The following CCDC3 variants were observed in gnomAD, a reference collection of about 807,000 sequenced individuals.
The protein encoded by CCDC3 is coiled-coil domain-containing protein 3.
Under a neutral mutation model 21.4 loss-of-function variants are expected in CCDC3, and 24 were observed. The observed-to-expected ratio is 1.12, with a 90% CI of 0.81 to 1.58. The LOEUF (loss-of-function observed/expected upper bound fraction) is 1.58. Ranked by LOEUF, CCDC3 falls within the 40% of genes most tolerant of loss-of-function variation. The pLI is 0.00. For synonymous variants in CCDC3, 186 were observed against 166.0 expected (o/e 1.12, Z -0.93); for missense variants, 425 against 360.9 (o/e 1.18, Z -1.44).
rs573817528 is a variant in CCDC3 at position 13,019,106 on chromosome 10, C to T, written c.-1-20594G>A. On this transcript the variant is annotated intron_variant, in intron 5 of 6. Transcript: ENST00000378839. ...AAAATTAGCCGGGCGTGGTGGCAGGCTCCTGTAGTCCCAGCTACTCGGGAG... is the reference window on the plus strand; with the variant it reads ...AAAATTAGCCGGGCGTGGTGGCAGGTTCCTGTAGTCCCAGCTACTCGGGAG... 4.1e-4 allele frequency among the ~76,000 whole-genome samples: 62 copies of T among 152,152 alleles called. 1 individual carries two copies. The highest frequency in any genetic ancestry group is 7.2e-4 in the Non-Finnish European group (49 of 67,992).
intron 2 of CCDC3, among the ~76,000 whole-genome samples, chr10:12,960,867 G>C (rs1835169837): frequency 6.6e-6 from 1 of 152,208 alleles, no homozygotes; most frequent in South Asian, 2.1e-4. Context: ...ATGTGGGGAA[G>C]TGTCCCGTAG....
At chr10:13,053,447 A>G (rs1284845093) in intron 4 of CCDC3, among the ~76,000 whole-genome samples, 1 of 152,016 alleles carries the variant, frequency 6.6e-6, no homozygotes, top group Non-Finnish European at 1.5e-5. Flanking sequence ...GCATGCACCT[A>G]TAGTCCCAGC....
At chr10:13,060,181 A>G (rs180975256) in intron 4 of CCDC3, among the ~76,000 whole-genome samples, 4 of 152,226 alleles carry the variant, frequency 2.6e-5, no homozygotes, top group Non-Finnish European at 5.9e-5. Flanking sequence ...AACAAATCTC[A>G]TAGTGAGAAA....
intron 2 of CCDC3, among the ~76,000 whole-genome samples, chr10:12,983,352 C>T (rs538942980): frequency 2.4e-3 from 362 of 151,136 alleles, no homozygotes; most frequent in Non-Finnish European, 4.0e-3. Flanking sequence ...GCGGGCAGAT[C>T]ACTTCAGGTC....
upstream of CCDC3, among the ~76,000 whole-genome samples, chr10:13,005,878 C>T (rs1835918402): frequency 6.6e-6 from 1 of 152,222 alleles, no homozygotes; most frequent in South Asian, 2.1e-4. Flanking sequence ...TATGTTCCCT[C>T]CTAAATACAA....
At chr10:13,002,915 A>G (rs1227347785), upstream of CCDC3, among the ~76,000 whole-genome samples, 1 of 152,224 alleles carries the variant, frequency 6.6e-6, no homozygotes, top group African/African-American at 2.4e-5. Context: ...TGATGGAGAA[A>G]GAGTGAGCCC....
intron 2 of CCDC3, among the ~76,000 whole-genome samples, chr10:12,943,225 A>C (rs1026967411): frequency 6.6e-6 from 1 of 152,218 alleles, no homozygotes; most frequent in African/African-American, 2.4e-5. Flanking sequence ...GTTTAATGAA[A>C]ATAGAGTGGT....
intron 2 of CCDC3, among the ~76,000 whole-genome samples, chr10:12,958,095 G>A (rs1835121526): frequency 6.6e-6 from 1 of 152,142 alleles, no homozygotes; most frequent in Admixed American, 6.5e-5. Flanking sequence ...CCAAAGTGCT[G>A]GGATTACAGG....
At chr10:13,080,082 G>C (rs1397545117) in intron 3 of CCDC3, among the ~76,000 whole-genome samples, 1 of 152,212 alleles carries the variant, frequency 6.6e-6, no homozygotes, top group Non-Finnish European at 1.5e-5. Flanking sequence ...ACTTGAACCT[G>C]GCATCTGCCG....
chr10:13,016,458 T>C (rs11258128), intron 5 of CCDC3, among the ~76,000 whole-genome samples: 36,090 of 151,820 alleles, frequency 0.24, 5,003 homozygotes, highest in East Asian at 0.5. Context: ...TATGATATCA[T>C]ATTTCCTACT....
At chr10:13,091,172 G>A (rs547079698) in intron 3 of CCDC3, among the ~76,000 whole-genome samples, 81 of 152,288 alleles carry the variant, frequency 5.3e-4, no homozygotes, top group African/African-American at 1.9e-3. Flanking sequence ...GGGTGGGCCT[G>A]CCTCTCCCAG....
intron 2 of CCDC3, among the ~76,000 whole-genome samples, chr10:12,920,949 C>CA (rs1230982319): frequency 3.9e-5 from 6 of 152,216 alleles, no homozygotes; most frequent in Admixed American, 6.5e-5. Context: ...CAGGGGCTCA[C>CA]AGAGGAGGGC....
At chr10:12,898,759 C>T in intron 2 of CCDC3, 80 bp from the exon 3 acceptor site, 1 of 1,519,600 alleles carries the variant, frequency 6.6e-7, no homozygotes, top group Non-Finnish European at 8.9e-7. Flanking sequence ...CAGAAGCTTC[C>T]CCGAGTGCTG....
intron 2 of CCDC3, among the ~76,000 whole-genome samples, chr10:12,954,697 T>C (rs932713124): frequency 2.0e-5 from 3 of 152,282 alleles, no homozygotes; most frequent in Middle Eastern, 6.8e-3. Context: ...ACCAAGCCAT[T>C]GACAAGGGAT....
intron 2 of CCDC3, among the ~76,000 whole-genome samples, chr10:12,971,267 G>A (rs1343144027): frequency 2.0e-5 from 3 of 152,138 alleles, no homozygotes; most frequent in African/African-American, 4.8e-5. Flanking sequence ...GGCATCGTGC[G>A]CAGCTGAAAC....
At chr10:12,946,091 CTTAAAT>C (rs1564294064) in intron 2 of CCDC3, among the ~76,000 whole-genome samples, 4 of 152,210 alleles carry the variant, frequency 2.6e-5, no homozygotes, top group Admixed American at 2.6e-4. Flanking sequence ...TCTCAAGAGT[CTTAAAT>C]GCGGCCACCC....
chr10:12,978,507 A>T lies in CCDC3; in HGVS notation c.549+19831T>A, dbSNP rs1197867974. On this transcript the variant is annotated intron_variant, in intron 2 of 2. Transcript: ENST00000378825. ...GGTTACATGACACGGTCAAGGGAGT[A>T]TTCAGGAAGCAGAAGAAATCTGCGG... Among the ~76,000 whole-genome samples, 3 of 152,140 alleles carry T rather than the reference A, an allele frequency of 2.0e-5. No individual in the cohort carries two copies. In the East Asian group the frequency reaches 5.8e-4, roughly 29 times the overall value.
At chr10:12,975,971 G>A (rs1370061659) in intron 2 of CCDC3, among the ~76,000 whole-genome samples, 1 of 152,210 alleles carries the variant, frequency 6.6e-6, no homozygotes, top group East Asian at 1.9e-4. Context: ...CTTGAAGGCA[G>A]GAGATGCAAA....
intron 2 of CCDC3, among the ~76,000 whole-genome samples, chr10:12,995,037 A>G (rs1248102075): frequency 6.6e-6 from 1 of 151,652 alleles, no homozygotes; most frequent in African/African-American, 2.4e-5. Context: ...AGCCGAGATC[A>G]TGCCATTGCA....
Sources: allele counts gnomAD v4.1 joint callset (sites outside exome capture counted in the v4.1 genomes callset), GRCh38; gene constraint gnomAD v4.1.1; transcripts MANE v1.5; gene names NCBI Gene and HGNC (gene_info 2026-07-23, HGNC 2026-07-21).